BCCIP: variants seen among roughly 807,000 people sequenced by gnomAD.
BCCIP encodes the protein BRCA2 and CDKN1A interacting protein.
In BCCIP, 23 loss-of-function variants were observed where a neutral mutation model predicts 32.8. The observed-to-expected ratio is 0.70, with a 90% CI of 0.51 to 0.99. The LOEUF (loss-of-function observed/expected upper bound fraction) is 0.99, where lower values mean the gene tolerates loss of function less well. BCCIP is among the 50% of genes least tolerant of loss of function. BCCIP has a pLI of 0.00. For missense variants in BCCIP, 378 were observed against 379.8 expected (o/e 1.00, Z 0.04); for synonymous variants, 144 against 137.6 (o/e 1.05, Z -0.33).
chr10:125,832,814 CTTTTTTTTTT>C (rs761671587), intron 5 of BCCIP, among the ~76,000 whole-genome samples: 1 of 116,824 alleles, frequency 8.6e-6, no homozygotes, highest in African/African-American at 2.9e-5. Context: ...TTTTTTTTTT[CTTTTTTTTTT>C]TTTGAAAAGG....
At chr10:125,848,804 C>T (rs1351654995) in intron 7 of BCCIP, among the ~76,000 whole-genome samples, 2 of 152,098 alleles carry the variant, frequency 1.3e-5, no homozygotes, top group Non-Finnish European at 2.9e-5. Flanking sequence ...TACTATACAC[C>T]AGTCACTTTT....
At chr10:125,853,212 C>A (rs754281648) in exon 8 of BCCIP, 5 of 1,611,724 alleles carry the variant, frequency 3.1e-6, no homozygotes, top group East Asian at 2.2e-5. Context: ...TTCCAGGGAA[C>A]CTTCATGACT....
intron 3 of BCCIP, 74 bp downstream of exon 3, chr10:125,827,712 G>A (rs1854432060): frequency 8.5e-7 from 1 of 1,183,228 alleles, no homozygotes; most frequent in Non-Finnish European, 1.2e-6. Context: ...CACCATGCTT[G>A]TAATCCCAGC....
At chr10:125,841,941 A>G (rs1289376309) in exon 7 of BCCIP, 1 of 1,578,476 alleles carries the variant, frequency 6.3e-7, no homozygotes, top group Non-Finnish European at 8.6e-7. Context: ...GGTGCTAGGA[A>G]AGGAAAAAAA....
rs1854238094 is a variant in BCCIP, at chr10:125,823,609, C to T, written c.52C>T (p.Pro18Ser). 1 of 1,614,034 alleles carries T rather than the reference C, an allele frequency of 6.2e-7. No individual in the cohort carries two copies. The highest frequency in any genetic ancestry group is 8.5e-7 in the Non-Finnish European group (1 of 1,179,978). The change falls in exon 1 of 7, where the codon CCG becomes TCG. Residue 18 changes from proline (P) to serine (S), a missense_variant. Physicochemically the swap from Pro to Ser is moderately conservative, Grantham distance 74. Transcript: ENST00000278100. Reference sequence around the variant, plus strand: ...CGTGGAAAGTGGGGTTCCGCAGCCGCCGGATCCCCCAGTCCAGCGCGACGA... The same window carrying T: ...CGTGGAAAGTGGGGTTCCGCAGCCGTCGGATCCCCCAGTCCAGCGCGACGA... ...RAVESGVPQP[P>S]DPPVQRDEEE...
chr10:125,848,898 G>A lies in BCCIP; in HGVS notation c.851-4227G>A, dbSNP rs182485726. 2.2e-4 allele frequency among the ~76,000 whole-genome samples: 33 copies of A among 152,288 alleles called. No homozygotes were observed. The East Asian group carries it at 6.4e-3, about 29-fold the overall frequency. On this transcript the variant is annotated intron_variant, in intron 7 of 7. Transcript: ENST00000368759. ...TGATTATCCTCATATTCAGATAAATGAAGTGAAGCAATGAGAGTCCTAATT... is the reference window on the plus strand; with the variant it reads ...TGATTATCCTCATATTCAGATAAATAAAGTGAAGCAATGAGAGTCCTAATT...
chr10:125,836,834 T>C (rs1382655027), downstream of BCCIP: 1 of 1,614,088 alleles, frequency 6.2e-7, no homozygotes, highest in African/African-American at 1.3e-5. Flanking sequence ...TGAAATAGTA[T>C]TGTGGTACCA....
At chr10:125,849,065 A>G (rs1944058690) in intron 7 of BCCIP, among the ~76,000 whole-genome samples, 2 of 152,088 alleles carry the variant, frequency 1.3e-5, no homozygotes, top group Admixed American at 1.3e-4. Flanking sequence ...ATCTGTTTCC[A>G]CCTTTCATCC....
chr10:125,851,207 CTT>C (rs1564825851), intron 7 of BCCIP, among the ~76,000 whole-genome samples: 1 of 152,200 alleles, frequency 6.6e-6, no homozygotes, highest in East Asian at 1.9e-4. Context: ...CTGCGAGCAT[CTT>C]TTTCTTTTTT....
chr10:125,839,351 G>A (rs1237868078), downstream of BCCIP, among the ~76,000 whole-genome samples: 2 of 152,256 alleles, frequency 1.3e-5, no homozygotes, highest in African/African-American at 4.8e-5. Flanking sequence ...ATTTCTGGTG[G>A]CTGCAAGGTC....
downstream of BCCIP, among the ~76,000 whole-genome samples, chr10:125,846,298 G>A (rs1414028169): frequency 2.0e-5 from 3 of 152,174 alleles, no homozygotes; most frequent in African/African-American, 7.2e-5. Context: ...AGTTGGCACT[G>A]TAGTTAGATA....
At chr10:125,845,250 C>A (rs1943999883), downstream of BCCIP, among the ~76,000 whole-genome samples, 1 of 152,182 alleles carries the variant, frequency 6.6e-6, no homozygotes, top group Non-Finnish European at 1.5e-5. Context: ...CAAACCCTCA[C>A]AGGAAGTCTG....
At chr10:125,826,717 G>T in intron 2 of BCCIP, 52 bp downstream of exon 2, 1 of 1,601,290 alleles carries the variant, frequency 6.2e-7, no homozygotes, top group Non-Finnish European at 8.5e-7. Flanking sequence ...GAAAAATCAG[G>T]GGCCGGGTGC....
chr10:125,839,123 T>A, downstream of BCCIP: 1 of 1,614,246 alleles, frequency 6.2e-7, no homozygotes, highest in African/African-American at 1.3e-5. Context: ...TCAGCTCGAA[T>A]AACATCTGCC....
At chr10:125,827,038 A>G (rs1854410216) in intron 2 of BCCIP, among the ~76,000 whole-genome samples, 1 of 151,242 alleles carries the variant, frequency 6.6e-6, no homozygotes. Flanking sequence ...AGGCTCTCCC[A>G]AGTTCATCTT....
chr10:125,851,929 A>C (rs1394618711), intron 7 of BCCIP, among the ~76,000 whole-genome samples: 1 of 151,208 alleles, frequency 6.6e-6, no homozygotes, highest in African/African-American at 2.4e-5. Flanking sequence ...TCAAAAAAAA[A>C]AAAAAAAAAA....
chr10:125,833,158 C>G (rs1194912619), intron 5 of BCCIP, among the ~76,000 whole-genome samples: 1 of 151,206 alleles, frequency 6.6e-6, no homozygotes, highest in Non-Finnish European at 1.5e-5. Flanking sequence ...AAAAGGAAAG[C>G]TGAAGAGGAC....
At chr10:125,836,716 C>A, downstream of BCCIP, 5 of 1,614,172 alleles carry the variant, frequency 3.1e-6, no homozygotes, top group Non-Finnish European at 4.2e-6. Context: ...TGTTCAGTTT[C>A]AGGGCACGTC....
At chr10:125,832,694 T>G (rs1322299579) in intron 5 of BCCIP, among the ~76,000 whole-genome samples, 1 of 152,124 alleles carries the variant, frequency 6.6e-6, no homozygotes, top group Non-Finnish European at 1.5e-5. Context: ...CTCAGGAGGC[T>G]GAGGCAGGGG....
Sources: allele counts gnomAD v4.1 joint callset (sites outside exome capture counted in the v4.1 genomes callset), GRCh38; gene constraint gnomAD v4.1.1; transcripts MANE v1.5; gene names NCBI Gene and HGNC (gene_info 2026-07-23, HGNC 2026-07-21).